EPHA7: variants seen among roughly 807,000 people sequenced by gnomAD.
EPHA7 encodes the protein ephrin type-A receptor 7.
In EPHA7, 25 loss-of-function variants were observed where a neutral mutation model predicts 112.6. The ratio of observed to expected loss-of-function variants is 0.22; its 90% confidence interval spans 0.16 to 0.31. The LOEUF (loss-of-function observed/expected upper bound fraction) is 0.31. Ranked by LOEUF, EPHA7 falls within the 10% of genes least tolerant of loss-of-function variation. EPHA7 has a pLI of 1.00. For missense variants in EPHA7, 962 were observed against 1,212.6 expected, an observed-to-expected ratio of 0.79 and a Z score of 3.07; for synonymous variants, 437 against 406.5, an observed-to-expected ratio of 1.07 and a Z score of -0.90.
At chr6:93,318,270 CA>C (rs1295095891) in intron 5 of EPHA7, among the ~76,000 whole-genome samples, 5 of 152,072 alleles carry the variant, frequency 3.3e-5, no homozygotes, top group South Asian at 2.1e-4. Flanking sequence ...GTTTTTAGTG[CA>C]TGGCAGAATA....
At chr6:93,324,373 C>T (rs539997046) in intron 5 of EPHA7, among the ~76,000 whole-genome samples, 1 of 151,316 alleles carries the variant, frequency 6.6e-6, no homozygotes, top group Non-Finnish European at 1.5e-5. Context: ...AATTGATCCT[C>T]ATAAACATCA....
chr6:93,338,514 T>C (rs1774985862), intron 5 of EPHA7, among the ~76,000 whole-genome samples: 1 of 152,022 alleles, frequency 6.6e-6, no homozygotes, highest in Admixed American at 6.6e-5. Flanking sequence ...ATAAATCATG[T>C]TTCTTTTTTG....
intron 15 of EPHA7, among the ~76,000 whole-genome samples, chr6:93,245,929 C>A: frequency 6.6e-6 from 1 of 152,208 alleles, no homozygotes; most frequent in Non-Finnish European, 1.5e-5. Context: ...GAGCATCAAT[C>A]TTACCTGGCG....
chr6:93,399,849 T>C (rs1216569145), intron 3 of EPHA7, among the ~76,000 whole-genome samples: 5 of 152,088 alleles, frequency 3.3e-5, no homozygotes, highest in African/African-American at 1.2e-4. Context: ...GTTGGAAGTA[T>C]AAATGAGGAC....
At chr6:93,406,823 TATTA>T (rs1011810577) in intron 3 of EPHA7, among the ~76,000 whole-genome samples, 15 of 152,058 alleles carry the variant, frequency 9.9e-5, no homozygotes, top group African/African-American at 3.6e-4. Context: ...ATATTTATTT[TATTA>T]GTCTTCCCGA....
At chr6:93,406,157 A>T (rs1163438480) in intron 3 of EPHA7, among the ~76,000 whole-genome samples, 2 of 151,436 alleles carry the variant, frequency 1.3e-5, no homozygotes, top group African/African-American at 4.8e-5. Flanking sequence ...ATTCCCCTTT[A>T]CATGAAATCA....
chr6:93,287,276 GA>G (rs927060953), intron 5 of EPHA7, among the ~76,000 whole-genome samples: 3 of 151,908 alleles, frequency 2.0e-5, no homozygotes, highest in African/African-American at 7.3e-5. Context: ...AGCCAAATAT[GA>G]AAAAAATTGT....
In EPHA7 at chr6:93,286,161, C is replaced by G. The variant is rs141035666; in HGVS notation, c.1325-13739G>C. 9.5e-3 allele frequency among the ~76,000 whole-genome samples: 1,441 copies of G among 152,202 alleles called. 13 individuals carry two copies. Among genetic ancestry groups the G allele is most frequent in the Non-Finnish European group, 0.016 (1,093 of 68,018 alleles). ...GTTTTTCCTTACACACACACACACA[C>G]ACACCCTACACACACACCCCCACAC... is the stretch of plus-strand genomic sequence containing the variant. On this transcript the variant is annotated intron_variant, in intron 5 of 16. Transcript: ENST00000369303.
intron 1 of EPHA7, 76 bp downstream of exon 1, chr6:93,419,169 C>G (rs1192025132): frequency 1.4e-5 from 17 of 1,245,470 alleles, no homozygotes; most frequent in African/African-American, 4.8e-5. Context: ...CCGGCAGCGC[C>G]GCGGACGAGC....
At chr6:93,330,131 A>G (rs922020361) in intron 5 of EPHA7, among the ~76,000 whole-genome samples, 1 of 151,328 alleles carries the variant, frequency 6.6e-6, no homozygotes, top group African/African-American at 2.4e-5. Context: ...CAAAATGGTA[A>G]TCATAGGATG....
intron 5 of EPHA7, among the ~76,000 whole-genome samples, chr6:93,288,168 G>A (rs951147144): frequency 1.2e-4 from 19 of 152,134 alleles, no homozygotes; most frequent in Admixed American, 1.1e-3. Flanking sequence ...CCCAAAAGTG[G>A]AAACAACATA....
At chr6:93,277,903 C>A (rs944598136) in intron 5 of EPHA7, among the ~76,000 whole-genome samples, 17 of 151,802 alleles carry the variant, frequency 1.1e-4, no homozygotes, top group Middle Eastern at 3.2e-3. Context: ...AAGCATCCTG[C>A]ATAGTGGCCC....
At chr6:93,369,956 C>T (rs1269716964) in intron 3 of EPHA7, among the ~76,000 whole-genome samples, 2 of 152,108 alleles carry the variant, frequency 1.3e-5, no homozygotes, top group Non-Finnish European at 2.9e-5. Flanking sequence ...GCAGCCTTGG[C>T]TACAGAAGTA....
At chr6:93,260,036 T>C (rs1464032330) in intron 9 of EPHA7, among the ~76,000 whole-genome samples, 4 of 151,998 alleles carry the variant, frequency 2.6e-5, no homozygotes, top group African/African-American at 9.7e-5. Context: ...GAGGGACTTC[T>C]ATCACAGAAT....
chr6:93,285,326 C>G (rs1456623241), intron 5 of EPHA7, among the ~76,000 whole-genome samples: 1 of 152,162 alleles, frequency 6.6e-6, no homozygotes, highest in Non-Finnish European at 1.5e-5. Context: ...CTGGGAAGAT[C>G]TGGCTTATAA....
At chr6:93,302,075 G>C (rs981726697) in intron 5 of EPHA7, among the ~76,000 whole-genome samples, 1 of 152,138 alleles carries the variant, frequency 6.6e-6, no homozygotes, top group Admixed American at 6.6e-5. Context: ...CACTGGGCCG[G>C]AAAGTGTGTA....
chr6:93,250,886 A>C (rs766687000), intron 14 of EPHA7, among the ~76,000 whole-genome samples: 1 of 152,134 alleles, frequency 6.6e-6, no homozygotes, highest in Non-Finnish European at 1.5e-5. Context: ...CACAACAGGG[A>C]CCACTTCTTT....
chr6:93,404,917 T>C (rs1358282550), intron 3 of EPHA7, among the ~76,000 whole-genome samples: 1 of 151,900 alleles, frequency 6.6e-6, no homozygotes, highest in Non-Finnish European at 1.5e-5. Context: ...ATTTGCCACT[T>C]ACTACTGCTA....
intron 3 of EPHA7, among the ~76,000 whole-genome samples, chr6:93,378,481 G>A (rs974902652): frequency 3.9e-5 from 6 of 152,060 alleles, no homozygotes; most frequent in East Asian, 1.9e-4. Context: ...TTAGTTTAGC[G>A]GGAACTGGAC....
Sources: gnomAD v4.1 joint callset for allele counts (sites outside exome capture counted in the v4.1 genomes callset) on GRCh38, gnomAD v4.1.1 for gene constraint, MANE v1.5 for transcripts, NCBI Gene and HGNC (gene_info 2026-07-23, HGNC 2026-07-21) for gene names.